PID1: variants seen among roughly 807,000 people sequenced by gnomAD.
The protein encoded by PID1 is phosphotyrosine interaction domain containing 1, also known as PTB-containing, cubilin and LRP1-interacting protein.
PID1 carries 10 observed loss-of-function variants against 19.1 expected under a neutral mutation model. The observed-to-expected ratio is 0.52, with a 90% CI of 0.32 to 0.89. The LOEUF is 0.89. PID1 is among the 40% of genes least tolerant of loss of function. The pLI, the probability that PID1 is intolerant of heterozygous loss-of-function variation, is 0.03. For synonymous variants in PID1, 130 were observed against 116.0 expected (o/e 1.12, Z -0.78); for missense variants, 248 against 285.3 (o/e 0.87, Z 0.94).
intron 1 of PID1, among the ~76,000 whole-genome samples, chr2:229,249,709 C>T (rs186154707): frequency 6.6e-6 from 1 of 152,076 alleles, no homozygotes; most frequent in Non-Finnish European, 1.5e-5. Context: ...CAACTGGATA[C>T]CAGGAAAGAC....
At chr2:229,076,844 T>G (rs1310399832) in intron 2 of PID1, among the ~76,000 whole-genome samples, 1 of 152,210 alleles carries the variant, frequency 6.6e-6, no homozygotes, top group Non-Finnish European at 1.5e-5. Context: ...TGAATAGTAC[T>G]GCAATAAACA....
intron 1 of PID1, among the ~76,000 whole-genome samples, chr2:229,213,865 A>G (rs896800635): frequency 5.3e-5 from 8 of 152,230 alleles, no homozygotes; most frequent in Non-Finnish European, 1.2e-4. Flanking sequence ...TAAATTCACA[A>G]TCAAATACCA....
At chr2:229,253,152 G>A (rs1690199067) in intron 1 of PID1, among the ~76,000 whole-genome samples, 1 of 152,130 alleles carries the variant, frequency 6.6e-6, no homozygotes, top group African/African-American at 2.4e-5. Context: ...AACTACAAAT[G>A]TTTCTTAAGA....
At chr2:229,040,951 C>A (rs1693758649) in intron 2 of PID1, among the ~76,000 whole-genome samples, 2 of 152,158 alleles carry the variant, frequency 1.3e-5, no homozygotes, top group Admixed American at 6.5e-5. Flanking sequence ...CTACACAGAA[C>A]CCTGGGACAT....
rs1466896691 is a variant in PID1, at chr2:229,024,522, C to T, written c.*1110G>A. On this transcript the variant is annotated 3_prime_UTR_variant, in exon 3 of 3. Transcript: ENST00000392055. ...TAAGATATCATCAATTTTATGATAA[C>T]GCAATAAGATTTCCCTTTAGGTTAA... 4 of 152,490 alleles carry T rather than the reference C, an allele frequency of 2.6e-5. No homozygotes were observed. The highest frequency in any genetic ancestry group is 1.9e-4 in the East Asian group (1 of 5,190). 9.4% of individuals were successfully genotyped at this position (152,490 alleles called of 1,614,324 possible). A position where few individuals can be genotyped will look rare whatever the true frequency, so the allele number is the denominator to read the frequency against.
intron 2 of PID1, among the ~76,000 whole-genome samples, chr2:229,132,960 T>C (rs1689775702): frequency 6.6e-6 from 1 of 152,222 alleles, no homozygotes; most frequent in African/African-American, 2.4e-5. Context: ...AATTTTGTTG[T>C]AGCCAATGCT....
intron 2 of PID1, among the ~76,000 whole-genome samples, chr2:229,067,633 A>T (rs890893845): frequency 1.3e-5 from 2 of 152,058 alleles, no homozygotes; most frequent in Non-Finnish European, 2.9e-5. Context: ...TGCCCTGCCC[A>T]TTACCAATCC....
intron 1 of PID1, chr2:229,227,896 T>C: frequency 2.2e-6 from 1 of 446,824 alleles, no homozygotes; most frequent in Non-Finnish European, 4.5e-6. Context: ...AATCTAGAGA[T>C]GATGGAAAAT....
chr2:229,035,506 A>ATGTGTGTG (rs3083806), intron 2 of PID1, among the ~76,000 whole-genome samples: 3 of 148,154 alleles, frequency 2.0e-5, no homozygotes, highest in Non-Finnish European at 4.5e-5. Context: ...AATCATTTAT[A>ATGTGTGTG]TGTGTGTGTG....
At chr2:229,049,651 A>G (rs7593122) in intron 2 of PID1, among the ~76,000 whole-genome samples, 79,313 of 151,934 alleles carry the variant, frequency 0.52, 21,454 homozygotes, top group East Asian at 0.67. Flanking sequence ...TATAAGAGAC[A>G]TGTTCTCATT....
At chr2:229,255,506 G>A (rs1233853694) in intron 1 of PID1, among the ~76,000 whole-genome samples, 1 of 152,176 alleles carries the variant, frequency 6.6e-6, no homozygotes, top group African/African-American at 2.4e-5. Flanking sequence ...TTTCTGAAAT[G>A]GCATTTGAAT....
At chr2:229,268,996 C>T (rs1185352103) in intron 1 of PID1, among the ~76,000 whole-genome samples, 1 of 150,732 alleles carries the variant, frequency 6.6e-6, no homozygotes, top group Non-Finnish European at 1.5e-5. Flanking sequence ...TCAAGCAATA[C>T]TCTTTGGGAA....
At chr2:229,175,716 G>C (rs1355074717) in intron 1 of PID1, among the ~76,000 whole-genome samples, 1 of 152,152 alleles carries the variant, frequency 6.6e-6, no homozygotes, top group African/African-American at 2.4e-5. Context: ...AAGAAAATAA[G>C]TGATTCTCCT....
At chr2:229,219,248 AG>A (rs1414360678) in intron 1 of PID1, among the ~76,000 whole-genome samples, 3 of 152,272 alleles carry the variant, frequency 2.0e-5, no homozygotes, top group African/African-American at 7.2e-5. Flanking sequence ...TATTTTGTAA[AG>A]GAAAGAGATT....
At chr2:229,254,957 T>A (rs1292307540) in intron 1 of PID1, among the ~76,000 whole-genome samples, 4 of 152,220 alleles carry the variant, frequency 2.6e-5, no homozygotes, top group African/African-American at 9.6e-5. Flanking sequence ...ATTTCTGGGT[T>A]TAAAAGGTGC....
rs150993202 is a variant in PID1 at position 229,164,811 on chromosome 2, G to T, written c.31-8847C>A. Among the ~76,000 whole-genome samples the T allele has an allele frequency of 8.3e-4, 127 of 152,294 alleles. 1 individual carries two copies. In the East Asian group the frequency reaches 0.023, roughly 28 times the overall value. ...GGAGAAACACAAGCAGGGTGCAGCGGAATCCCTGAGCTAAGGAGACAGAGA... is the reference window on the plus strand; with the variant it reads ...GGAGAAACACAAGCAGGGTGCAGCGTAATCCCTGAGCTAAGGAGACAGAGA... On this transcript the variant is annotated intron_variant, in intron 1 of 2. Transcript: ENST00000392055.
At position 229,152,658 on chromosome 2, in the gene PID1, G is replaced by GAA. The variant is rs568499393; in HGVS notation, c.177+3158_177+3159dup. Among the ~76,000 whole-genome samples, 74 of 128,648 alleles carry GAA rather than the reference G, an allele frequency of 5.8e-4. 1 individual carries two copies. The highest frequency in any genetic ancestry group is 4.1e-3 in the Middle Eastern group (1 of 242). 84.4% of individuals were successfully genotyped at this position (128,648 alleles called of 152,430 possible). On this transcript the variant is annotated intron_variant, in intron 2 of 2. Coordinates refer to ENST00000392055, the MANE Select transcript of PID1 (RefSeq NM_001100818.2). ...TGTACAGTTAAATAACTCTACTCCA[G>GAA]AAAAAAAAAAAAAAGTGGCAGCAAT...
intron 2 of PID1, among the ~76,000 whole-genome samples, chr2:229,099,394 G>C (rs1353658715): frequency 6.6e-6 from 1 of 152,132 alleles, no homozygotes; most frequent in Non-Finnish European, 1.5e-5. Context: ...CTTTGACACA[G>C]ACCATTTTGA....
intron 2 of PID1, among the ~76,000 whole-genome samples, chr2:229,050,406 A>G (rs1693970104): frequency 6.6e-6 from 1 of 152,198 alleles, no homozygotes; most frequent in Non-Finnish European, 1.5e-5. Context: ...TGCAGCAGCA[A>G]ACCCCTTGTT....
Sources: gnomAD v4.1 joint callset for allele counts (sites outside exome capture counted in the v4.1 genomes callset) on GRCh38, gnomAD v4.1.1 for gene constraint, MANE v1.5 for transcripts, NCBI Gene and HGNC (gene_info 2026-07-23, HGNC 2026-07-21) for gene names.